DPP6: variants seen among roughly 807,000 people sequenced by gnomAD.
The protein encoded by DPP6 is A-type potassium channel modulatory protein DPP6.
A neutral mutation model predicts 122.6 loss-of-function variants in DPP6; 69 were observed. The observed-to-expected ratio is 0.56, with a 90% CI of 0.46 to 0.69. The LOEUF is 0.69. Ranked by LOEUF, DPP6 falls within the 30% of genes least tolerant of loss-of-function variation. DPP6 has a pLI of 0.00. For missense variants in DPP6, 928 were observed against 1,116.9 expected, an observed-to-expected ratio of 0.83 and a Z score of 2.41; for synonymous variants, 418 against 433.1, an observed-to-expected ratio of 0.97 and a Z score of 0.43.
At chr7:154,667,110 T>C (rs1200661339) in intron 6 of DPP6, among the ~76,000 whole-genome samples, 1 of 152,202 alleles carries the variant, frequency 6.6e-6, no homozygotes, top group African/African-American at 2.4e-5. Flanking sequence ...ATATGTTTGA[T>C]TGAGGGCCAT....
At chr7:153,898,511 T>C (rs1436826281) in intron 1 of DPP6, among the ~76,000 whole-genome samples, 4 of 152,178 alleles carry the variant, frequency 2.6e-5, no homozygotes, top group Non-Finnish European at 5.9e-5. Flanking sequence ...GAAAAAATGA[T>C]CACTGTTTGA....
chr7:154,355,670 A>G lies in DPP6; in HGVS notation c.244-90544A>G, dbSNP rs1811217082. On this transcript the variant is annotated intron_variant, in intron 1 of 25. Coordinates refer to ENST00000377770, the MANE Select transcript of DPP6 (RefSeq NM_130797.4). ...TGAAACATTTGTGAGAAATCAGGTG[A>G]CAGGTGGATCTAGTTTTGGACTTTC... Among the ~76,000 whole-genome samples, 3 of 152,300 alleles carry G rather than the reference A, an allele frequency of 2.0e-5. No individual in the cohort carries two copies. The Middle Eastern group carries it at 0.01, about 518-fold the overall frequency.
At chr7:154,499,055 G>A (rs1196496763) in intron 3 of DPP6, among the ~76,000 whole-genome samples, 1 of 152,168 alleles carries the variant, frequency 6.6e-6, no homozygotes, top group Non-Finnish European at 1.5e-5. Context: ...TCGTGGCCCT[G>A]AGCTTGGCCA....
chr7:154,301,282 G>A (rs1805881138), intron 1 of DPP6, among the ~76,000 whole-genome samples: 1 of 152,156 alleles, frequency 6.6e-6, no homozygotes, highest in African/African-American at 2.4e-5. Flanking sequence ...AAGTATGTCT[G>A]ATGCCAAGTC....
intron 1 of DPP6, among the ~76,000 whole-genome samples, chr7:154,011,217 C>G (rs1442690133): frequency 6.6e-6 from 1 of 152,340 alleles, no homozygotes; most frequent in East Asian, 1.9e-4. Flanking sequence ...TATTCCATCA[C>G]AGAACTTCCT....
chr7:154,633,452 T>C (rs1586774939), intron 5 of DPP6, among the ~76,000 whole-genome samples: 1 of 152,150 alleles, frequency 6.6e-6, no homozygotes, highest in Non-Finnish European at 1.5e-5. Context: ...ACTAGGCTGG[T>C]CTTGAACTCC....
At chr7:153,935,032 G>A (rs1801364484) in intron 1 of DPP6, among the ~76,000 whole-genome samples, 1 of 152,230 alleles carries the variant, frequency 6.6e-6, no homozygotes, top group Admixed American at 6.5e-5. Context: ...AGGCCCGGGG[G>A]AGGAGCTCAG....
the DPP6 span, among the ~76,000 whole-genome samples, chr7:153,864,030 G>T: frequency 6.6e-6 from 1 of 152,136 alleles, no homozygotes; most frequent in Non-Finnish European, 1.5e-5. Flanking sequence ...AAATAATGCT[G>T]CTCTGAACAT....
intron 5 of DPP6, among the ~76,000 whole-genome samples, chr7:154,629,015 G>C (rs925402818): frequency 2.0e-5 from 3 of 152,012 alleles, no homozygotes; most frequent in Admixed American, 2.0e-4. Context: ...ACTCCTCAAG[G>C]TTATCAGAGT....
At chr7:154,048,823 A>C (rs1484125132), upstream of DPP6, among the ~76,000 whole-genome samples, 1 of 125,404 alleles carries the variant, frequency 8.0e-6, no homozygotes, top group Non-Finnish European at 1.8e-5. Flanking sequence ...AACTCAATGG[A>C]TGTACTTTTG....
intron 25 of DPP6, chr7:154,890,268 A>C (rs1425598441): frequency 6.6e-6 from 1 of 151,164 alleles, no homozygotes; most frequent in Non-Finnish European, 1.5e-5. Context: ...ACAGGCAGGC[A>C]CCCTGCCTCC....
At chr7:154,490,011 C>T (rs1824137963) in intron 3 of DPP6, among the ~76,000 whole-genome samples, 1 of 152,174 alleles carries the variant, frequency 6.6e-6, no homozygotes, top group African/African-American at 2.4e-5. Context: ...TGGAATAAAC[C>T]TCGGAAGTTC....
intron 16 of DPP6, among the ~76,000 whole-genome samples, chr7:154,851,408 T>G (rs1351647419): frequency 6.6e-6 from 1 of 152,246 alleles, no homozygotes; most frequent in African/African-American, 2.4e-5. Flanking sequence ...ACATAAGAGA[T>G]ATTCTGTTTT....
the DPP6 span, among the ~76,000 whole-genome samples, chr7:153,811,514 G>A: frequency 2.6e-5 from 4 of 152,262 alleles, no homozygotes; most frequent in Non-Finnish European, 5.9e-5. Context: ...CTCCTTTTTG[G>A]GGTTTGCTTG....
intron 1 of DPP6, among the ~76,000 whole-genome samples, chr7:153,928,872 C>T (rs901956715): frequency 2.6e-5 from 4 of 152,174 alleles, no homozygotes; most frequent in Non-Finnish European, 5.9e-5. Flanking sequence ...GCCAAGTGGA[C>T]AAGAGTCCAT....
upstream of DPP6, among the ~76,000 whole-genome samples, chr7:153,884,983 C>CAAAAAA (rs1399961557): frequency 4.7e-5 from 3 of 63,426 alleles, no homozygotes; most frequent in African/African-American, 2.2e-4. Context: ...CGTCTCAAAA[C>CAAAAAA]AAAAATATAT....
intron 8 of DPP6, among the ~76,000 whole-genome samples, chr7:154,749,579 G>A (rs1851654533): frequency 7.1e-6 from 1 of 141,314 alleles, no homozygotes; most frequent in South Asian, 2.5e-4. Flanking sequence ...TGGTCAGGGA[G>A]CATAGGACGG....
intron 2 of DPP6, among the ~76,000 whole-genome samples, chr7:154,453,916 C>A (rs76165134): frequency 0.01 from 1,583 of 152,246 alleles, 22 homozygotes; most frequent in African/African-American, 0.035. Flanking sequence ...TAAAGTCCCA[C>A]ATAATCTCAA....
At chr7:154,712,631 C>A (rs1422761415) in intron 7 of DPP6, among the ~76,000 whole-genome samples, 1 of 152,140 alleles carries the variant, frequency 6.6e-6, no homozygotes, top group Non-Finnish European at 1.5e-5. Context: ...AGAATGAATG[C>A]CCAGCAAAGG....
Sources: allele counts gnomAD v4.1 joint callset (sites outside exome capture counted in the v4.1 genomes callset), GRCh38; gene constraint gnomAD v4.1.1; transcripts MANE v1.5; gene names NCBI Gene and HGNC (gene_info 2026-07-23, HGNC 2026-07-21).